The following SIM2 variants were observed in gnomAD, a reference collection of about 807,000 sequenced individuals.
SIM2 encodes the protein single-minded homolog 2.
SIM2 carries 28 observed loss-of-function variants against 64.8 expected under a neutral mutation model. The observed-to-expected ratio is 0.43, with a 90% CI of 0.32 to 0.59. The LOEUF (loss-of-function observed/expected upper bound fraction) is 0.59. Ranked by LOEUF, SIM2 falls within the 20% of genes least tolerant of loss-of-function variation. SIM2 has a pLI of 0.07. For synonymous variants in SIM2, 408 were observed against 391.1 expected, an observed-to-expected ratio of 1.04 and a Z score of -0.51; for missense variants, 847 against 871.4, an observed-to-expected ratio of 0.97 and a Z score of 0.35.
intron 7 of SIM2, 72 bp from the exon 8 acceptor site, chr21:36,741,645 A>C (rs1213980795): frequency 6.4e-7 from 1 of 1,557,886 alleles, no homozygotes; most frequent in Non-Finnish European, 8.7e-7. Context: ...GACAGAGGTC[A>C]CCGTTGGGGG....
intron 2 of SIM2, chr21:36,709,615 G>A (rs1368529349): frequency 2.5e-6 from 1 of 399,866 alleles, no homozygotes; most frequent in African/African-American, 2.1e-5. Flanking sequence ...GGCTGGAGCA[G>A]CAGAAATGAT....
intron 2 of SIM2, among the ~76,000 whole-genome samples, chr21:36,710,832 T>C (rs1224130855): frequency 6.6e-6 from 1 of 152,228 alleles, no homozygotes; most frequent in Non-Finnish European, 1.5e-5. Context: ...AATGGCGCTC[T>C]GGGAGCCCTG....
rs529610938 is a variant in SIM2, at chr21:36,733,239, T to A, written c.850+2088T>A. ...AGGGAATCAAAAATCTCTTTTTTTT[T>A]AATGAGATGGAGTCTCGCTCTGTTG... On this transcript the variant is annotated intron_variant, in intron 7 of 10. Transcript: ENST00000290399. Among the ~76,000 whole-genome samples the A allele has an allele frequency of 2.0e-5, 3 of 152,256 alleles. No individual in the cohort carries two copies. In the South Asian group the frequency reaches 6.2e-4, roughly 32 times the overall value.
chr21:36,709,304 C>T (rs2088639395), intron 2 of SIM2, 54 bp downstream of exon 2: 1 of 1,402,366 alleles, frequency 7.1e-7, no homozygotes, highest in African/African-American at 1.4e-5. Flanking sequence ...CCCTTCCCAC[C>T]CCGCCACCCC....
intron 4 of SIM2, among the ~76,000 whole-genome samples, chr21:36,721,762 A>C (rs1159719174): frequency 6.6e-6 from 1 of 152,126 alleles, no homozygotes; most frequent in African/African-American, 2.4e-5. Flanking sequence ...TGTTAACTGT[A>C]TGGGACTGGG....
At chr21:36,730,622 TTGTATA>T (rs1404261747) in intron 6 of SIM2, among the ~76,000 whole-genome samples, 3 of 152,292 alleles carry the variant, frequency 2.0e-5, no homozygotes, top group East Asian at 1.9e-4. Context: ...CCATGGTGAA[TTGTATA>T]TGTATATTTT....
At chr21:36,711,594 G>A (rs1173144709) in intron 2 of SIM2, among the ~76,000 whole-genome samples, 4 of 152,166 alleles carry the variant, frequency 2.6e-5, no homozygotes, top group Admixed American at 6.5e-5. Context: ...AGGTAATCTG[G>A]TTTCAATTAC....
At chr21:36,735,522 C>G (rs576326161) in intron 7 of SIM2, among the ~76,000 whole-genome samples, 1 of 152,264 alleles carries the variant, frequency 6.6e-6, no homozygotes, top group Admixed American at 6.5e-5. Context: ...GAAGCCCATC[C>G]CCCACACTCT....
chr21:36,705,307 C>T (rs1367152543), intron 1 of SIM2, among the ~76,000 whole-genome samples: 1 of 152,216 alleles, frequency 6.6e-6, no homozygotes, highest in Non-Finnish European at 1.5e-5. Context: ...CGCACATATC[C>T]TTCTTGACTT....
chr21:36,705,449 G>C (rs538595132), intron 1 of SIM2, among the ~76,000 whole-genome samples: 51 of 152,352 alleles, frequency 3.3e-4, no homozygotes, highest in African/African-American at 1.2e-3. Flanking sequence ...TGGTAATTGG[G>C]GGAGGAGAGG....
chr21:36,741,753 G>T lies in SIM2; in HGVS notation c.887G>T (p.Arg296Leu), dbSNP rs1487720374. 2 of 1,613,384 alleles carry T rather than the reference G, an allele frequency of 1.2e-6. No individual in the cohort carries two copies. The highest frequency in any genetic ancestry group is 1.7e-6 in the Non-Finnish European group (2 of 1,179,988). The change falls in exon 8 of 11, where the codon CGG (arginine) becomes CTG (leucine). Residue 296 changes from arginine to leucine, a missense_variant. By Grantham distance (102) the Arg-to-Leu change is moderately radical (BLOSUM62 -2). Transcript: ENST00000290399. ...GGCCAGGTCACCACCAAGTACTACC[G>T]GCTGCTGTCCAAGCGGGGCGGCTGG... ...VKGQVTTKYYRLLSKRGGWVW... is the reference protein window; with the variant it reads ...VKGQVTTKYYLLLSKRGGWVW...
chr21:36,700,754 G>T (rs367590161), intron 1 of SIM2, among the ~76,000 whole-genome samples: 2 of 152,222 alleles, frequency 1.3e-5, no homozygotes, highest in East Asian at 1.9e-4. Context: ...ACCCGCCCCC[G>T]CCGTTGCTGA....
intron 1 of SIM2, among the ~76,000 whole-genome samples, chr21:36,708,055 C>T (rs1240738398): frequency 6.6e-6 from 1 of 151,920 alleles, no homozygotes; most frequent in Non-Finnish European, 1.5e-5. Context: ...GAGCTAGGCT[C>T]GTGGGCCGGG....
At chr21:36,723,866 G>A (rs1029299088) in intron 5 of SIM2, among the ~76,000 whole-genome samples, 4 of 152,196 alleles carry the variant, frequency 2.6e-5, no homozygotes, top group East Asian at 1.9e-4. Context: ...AAAGTGGGTC[G>A]GGGGAAGTCT....
chr21:36,728,472 C>T (rs992598829), intron 6 of SIM2, among the ~76,000 whole-genome samples: 11 of 152,192 alleles, frequency 7.2e-5, no homozygotes, highest in African/African-American at 2.7e-4. Context: ...AGGGGGCTCC[C>T]GCGTCTCAGG....
chr21:36,733,980 T>C (rs369311548), intron 7 of SIM2, among the ~76,000 whole-genome samples: 4 of 152,200 alleles, frequency 2.6e-5, no homozygotes, highest in East Asian at 3.9e-4. Context: ...GACTCTGACC[T>C]GCGGGCAGTT....
chr21:36,701,541 C>A (rs1255914520), intron 1 of SIM2: 1 of 152,302 alleles, frequency 6.6e-6, no homozygotes, highest in Non-Finnish European at 1.5e-5. Context: ...CTCTCCTGTG[C>A]CACCCGGCCC....
At chr21:36,700,061 G>A (rs529594776) in intron 1 of SIM2, 140 bp downstream of exon 1, 37 of 858,100 alleles carry the variant, frequency 4.3e-5, no homozygotes, top group Admixed American at 1.9e-4. Flanking sequence ...GTTGCGTGAG[G>A]GTCTTCGGCT....
At chr21:36,746,067 G>C in intron 10 of SIM2, 1 of 1,007,222 alleles carries the variant, frequency 9.9e-7, no homozygotes, top group South Asian at 2.4e-5. Flanking sequence ...TGTAATCCCA[G>C]CACTTTGGGA....
Sources: gnomAD v4.1 joint callset for allele counts (sites outside exome capture counted in the v4.1 genomes callset) on GRCh38, gnomAD v4.1.1 for gene constraint, MANE v1.5 for transcripts, NCBI Gene and HGNC (gene_info 2026-07-23, HGNC 2026-07-21) for gene names.